The following IL1RAPL1 variants were observed in gnomAD, a reference collection of about 807,000 sequenced individuals.
IL1RAPL1 encodes the protein interleukin-1 receptor accessory protein-like 1.
IL1RAPL1 carries 3 observed loss-of-function variants against 48.4 expected under a neutral mutation model. That is an observed-to-expected ratio of 0.06 (90% CI 0.03 to 0.16). The LOEUF is 0.16. Ranked by LOEUF, IL1RAPL1 falls within the 10% of genes least tolerant of loss-of-function variation. The probability of loss-of-function intolerance (pLI) is 1.00; values close to 1 mark genes in which losing one functional copy is unlikely to be tolerated. For missense variants in IL1RAPL1, 349 were observed against 530.6 expected, an observed-to-expected ratio of 0.66 and a Z score of 3.36; for synonymous variants, 185 against 187.7, an observed-to-expected ratio of 0.99 and a Z score of 0.12.
intron 5 of IL1RAPL1, among the ~76,000 whole-genome samples, chrX:29,554,406 T>A (rs1921924297): frequency 9.0e-6 from 1 of 111,603 alleles, no homozygotes; most frequent in Admixed American, 9.5e-5. Context: ...AATTTTGACA[T>A]TTCTTTGGCT....
At chrX:29,665,927 T>C (rs1291836733) in intron 5 of IL1RAPL1, among the ~76,000 whole-genome samples, 1 of 111,445 alleles carries the variant, frequency 9.0e-6, no homozygotes, top group Non-Finnish European at 1.9e-5. Flanking sequence ...ATGCAATATT[T>C]GCTTGACAGA....
chrX:29,272,897 C>A (rs188827764), intron 2 of IL1RAPL1, among the ~76,000 whole-genome samples: 3 of 111,721 alleles, frequency 2.7e-5, no homozygotes, highest in Non-Finnish European at 5.6e-5. Flanking sequence ...AGTCTTCAAG[C>A]TCTTTGCTCA....
At chrX:29,338,701 C>T (rs1402363303) in intron 3 of IL1RAPL1, among the ~76,000 whole-genome samples, 1 of 110,870 alleles carries the variant, frequency 9.0e-6, no homozygotes, top group Non-Finnish European at 1.9e-5. Context: ...CTCCCTCATC[C>T]CCTTCTTCTC....
At chrX:29,630,541 CT>C (rs58658010) in intron 5 of IL1RAPL1, among the ~76,000 whole-genome samples, 30,722 of 97,026 alleles carry the variant, frequency 0.32, 3,976 homozygotes, top group African/African-American at 0.42. Context: ...TTTCTCCAGA[CT>C]TTTTTTTTTT....
intron 7 of IL1RAPL1, among the ~76,000 whole-genome samples, chrX:29,918,144 A>AATATATATATATAT (rs748970921): frequency 5.9e-4 from 14 of 23,731 alleles, no homozygotes; most frequent in African/African-American, 9.6e-4. Flanking sequence ...AAAAAAAAAA[A>AATATATATATATAT]ATATATATAT....
At chrX:29,071,175 G>C (rs1927557819) in intron 2 of IL1RAPL1, among the ~76,000 whole-genome samples, 1 of 111,716 alleles carries the variant, frequency 9.0e-6, no homozygotes, top group African/African-American at 3.2e-5. Context: ...TGTATTATTA[G>C]TGTTTGTATT....
At chrX:28,848,444 GT>G (rs11366471) in intron 2 of IL1RAPL1, among the ~76,000 whole-genome samples, 10,127 of 106,671 alleles carry the variant, frequency 0.095, 967 homozygotes, top group African/African-American at 0.29. Context: ...TACTTGTAGG[GT>G]TTTTTTTTTC....
At chrX:28,772,337 A>G (rs1372580295) in intron 1 of IL1RAPL1, among the ~76,000 whole-genome samples, 2 of 111,698 alleles carry the variant, frequency 1.8e-5, no homozygotes, top group African/African-American at 6.5e-5. Flanking sequence ...TTCTCCTTAA[A>G]GCCCATAGTT....
rs759277494 is a variant in IL1RAPL1 at position 29,879,351 on chromosome X, TTA to T, written c.779-38107_779-38106del. Among the ~76,000 whole-genome samples, 408 of 88,668 alleles carry T rather than the reference TTA, an allele frequency of 4.6e-3. 2 individuals carry two copies. Among genetic ancestry groups the T allele is most frequent in the African/African-American group, 0.016 (382 of 23,273 alleles). The allele number at this position is 88,668 out of a possible 115,157, so 77.0% of individuals were successfully genotyped here. ...TGATTGGGGTGTTGGGGTGGTAGTT[TTA>T]TATATGTGTGTGTGTGTGTGTGTGT... On this transcript the variant is annotated intron_variant, in intron 6 of 10. Transcript: ENST00000378993.
At chrX:28,831,568 T>C (rs1373678979) in intron 2 of IL1RAPL1, among the ~76,000 whole-genome samples, 1 of 110,443 alleles carries the variant, frequency 9.1e-6, no homozygotes, top group Non-Finnish European at 1.9e-5. Context: ...AGGCTATTGT[T>C]TTTTTCAAGG....
At chrX:28,602,053 C>T (rs756603212) in intron 1 of IL1RAPL1, among the ~76,000 whole-genome samples, 3 of 102,446 alleles carry the variant, frequency 2.9e-5, no homozygotes, top group South Asian at 4.6e-4. Context: ...TACAGTGAGC[C>T]GAAATTGCAC....
intron 5 of IL1RAPL1, among the ~76,000 whole-genome samples, chrX:29,605,657 C>T (rs1185430639): frequency 8.9e-6 from 1 of 111,826 alleles, no homozygotes; most frequent in Non-Finnish European, 1.9e-5. Flanking sequence ...CAGACTTATA[C>T]TGTAATACAC....
At chrX:28,803,510 A>G (rs192371175) in intron 2 of IL1RAPL1, among the ~76,000 whole-genome samples, 148 of 112,003 alleles carry the variant, frequency 1.3e-3, no homozygotes, top group African/African-American at 4.6e-3. Context: ...ATTGGTCGGC[A>G]ATGTTTTGTT....
chrX:29,668,520 A>G lies in IL1RAPL1; in HGVS notation c.778+16A>G. 1 of 1,080,629 alleles carries G rather than the reference A, an allele frequency of 9.3e-7. No homozygotes were observed. Among genetic ancestry groups the G allele is most frequent in the Non-Finnish European group, 1.3e-6 (1 of 777,467 alleles). 89.1% of individuals were successfully genotyped at this position (1,080,629 alleles called of 1,213,427 possible). On this transcript the variant is annotated intron_variant, in intron 6 of 10. Transcript: ENST00000378993. ...ACCCAGCTGGGTGAGTAATTCCTTA[A>G]TTCTAGTTAATATGCTGCTCTCGTT...
intron 2 of IL1RAPL1, among the ~76,000 whole-genome samples, chrX:29,262,063 G>T (rs1931870691): frequency 9.0e-6 from 1 of 111,277 alleles, no homozygotes; most frequent in African/African-American, 3.3e-5. Context: ...TTGGGTTTTT[G>T]TCCTGGCTCT....
Position 29,004,716 on chromosome X carries a change from C to A in IL1RAPL1, c.82+215291C>A, listed in dbSNP as rs138373951. Among the ~76,000 whole-genome samples the A allele has an allele frequency of 4.6e-3, 510 of 111,642 alleles. 3 individuals are homozygous for A. Among genetic ancestry groups the A allele is most frequent in the African/African-American group, 0.016 (485 of 30,747 alleles). ...ATTCCTAATCAAATTCTGTGGTAAGCCAGGCACAGTGTCTCACACCTGTAA... is the reference window on the plus strand; with the variant it reads ...ATTCCTAATCAAATTCTGTGGTAAGACAGGCACAGTGTCTCACACCTGTAA... On this transcript the variant is annotated intron_variant, in intron 2 of 10. Transcript: ENST00000378993.
At position 29,955,219 on chromosome X, in the gene IL1RAPL1, G is replaced by T. The variant is rs1198405872; in HGVS notation, c.1490G>T (p.Arg497Leu). 1 of 1,210,806 alleles carries T rather than the reference G, an allele frequency of 8.3e-7. No individual in the cohort carries two copies. The highest frequency in any genetic ancestry group is 1.1e-6 in the Non-Finnish European group (1 of 894,872). ...WSIFELETRL[R>L]NMLVTGEIKV... is the part of the protein sequence containing the mutation. Reference sequence around the variant, plus strand: ...ATCTTTGAGCTGGAAACCAGACTTCGAAATATGCTTGTGACTGGAGAAATT... The same window carrying T: ...ATCTTTGAGCTGGAAACCAGACTTCTAAATATGCTTGTGACTGGAGAAATT... The change falls in exon 11 of 11, where the codon CGA becomes CTA. Residue 497 changes from arginine to leucine, a missense_variant. By Grantham distance (102) the Arg-to-Leu change is moderately radical. Around this residue, in one of 3 missense-constraint regions of IL1RAPL1, gnomAD observed 46 missense variants for 113.3 expected, o/e 0.41. Coordinates refer to ENST00000378993, the MANE Select transcript of IL1RAPL1 (RefSeq NM_014271.4).
At chrX:29,917,618 C>T (rs1410257545) in intron 7 of IL1RAPL1, 22 bp downstream of exon 7, 2 of 1,174,519 alleles carry the variant, frequency 1.7e-6, no homozygotes, top group South Asian at 1.8e-5. Flanking sequence ...TCCTTTTAAC[C>T]TGTATAGTCA....
intron 3 of IL1RAPL1, among the ~76,000 whole-genome samples, chrX:29,383,603 C>T (rs756434882): frequency 7.2e-5 from 8 of 111,628 alleles, no homozygotes; most frequent in Non-Finnish European, 1.1e-4. Flanking sequence ...CCAAAAATGA[C>T]CGGTTATTGC....
Sources: allele counts gnomAD v4.1 joint callset (sites outside exome capture counted in the v4.1 genomes callset), GRCh38; gene constraint gnomAD v4.1.1; regional missense constraint gnomAD v4.1.1; transcripts MANE v1.5; gene names NCBI Gene and HGNC (gene_info 2026-07-23, HGNC 2026-07-21).